SKAP1: variants seen among roughly 807,000 people sequenced by gnomAD.
The protein encoded by SKAP1 is src kinase-associated phosphoprotein 1.
In SKAP1, 44 loss-of-function variants were observed where a neutral mutation model predicts 58.5. That is an observed-to-expected ratio of 0.75 (90% CI 0.59 to 0.97). The LOEUF is 0.97. Ranked by LOEUF, SKAP1 falls within the 50% of genes least tolerant of loss-of-function variation. SKAP1 has a pLI of 0.00. For synonymous variants in SKAP1, 127 were observed against 149.7 expected (o/e 0.85, Z 1.11); for missense variants, 390 against 435.2 (o/e 0.90, Z 0.92).
At chr17:48,220,506 G>C (rs1368829739) in intron 4 of SKAP1, among the ~76,000 whole-genome samples, 2 of 152,142 alleles carry the variant, frequency 1.3e-5, no homozygotes, top group Non-Finnish European at 2.9e-5. Flanking sequence ...AAATTAATCT[G>C]GTGATAGAAG....
At chr17:48,170,992 C>G (rs546484994) in intron 9 of SKAP1, among the ~76,000 whole-genome samples, 1 of 151,638 alleles carries the variant, frequency 6.6e-6, no homozygotes, top group Non-Finnish European at 1.5e-5. Context: ...CAGGTGTGAG[C>G]TACTGCGTCC....
At chr17:48,392,901 C>G (rs2077583122) in intron 2 of SKAP1, among the ~76,000 whole-genome samples, 2 of 151,626 alleles carry the variant, frequency 1.3e-5, no homozygotes, top group African/African-American at 2.4e-5. Flanking sequence ...TACCCCTCCC[C>G]CACTCTCAAC....
intron 4 of SKAP1, among the ~76,000 whole-genome samples, chr17:48,295,945 T>A (rs530138450): frequency 2.6e-5 from 4 of 152,092 alleles, no homozygotes; most frequent in Non-Finnish European, 4.4e-5. Flanking sequence ...TATATGCATA[T>A]ACACATACGA....
At chr17:48,382,572 T>G (rs1379673480) in intron 2 of SKAP1, 2 of 152,238 alleles carry the variant, frequency 1.3e-5, no homozygotes, top group African/African-American at 4.8e-5. Context: ...AAATGATCCC[T>G]GAAAGTATAG....
At chr17:48,436,901 G>T in the SKAP1 span, among the ~76,000 whole-genome samples, 2 of 152,120 alleles carry the variant, frequency 1.3e-5, no homozygotes, top group Non-Finnish European at 1.5e-5. Flanking sequence ...ACCTGCTCTT[G>T]CTGTAAGCAC....
rs538790336 is a variant in SKAP1, at chr17:48,269,980, C to T, written c.280+75925G>A. Among the ~76,000 whole-genome samples the T allele has an allele frequency of 1.4e-4, 21 of 152,028 alleles. No homozygotes were observed. The East Asian group carries it at 2.1e-3, about 16-fold the overall frequency. ...ATACAAGATTAGCCAGGCATGGTGGCGCATGCCTGTAATCCCAGCTACTCA... is the reference window on the plus strand; with the variant it reads ...ATACAAGATTAGCCAGGCATGGTGGTGCATGCCTGTAATCCCAGCTACTCA... On this transcript the variant is annotated intron_variant, in intron 4 of 12. Coordinates refer to ENST00000336915, the MANE Select transcript of SKAP1 (RefSeq NM_003726.4).
rs148431518 is a variant in SKAP1 at position 48,328,657 on chromosome 17, T to C, written c.280+17248A>G. On this transcript the variant is annotated intron_variant, in intron 4 of 12. Transcript: ENST00000336915. ...TTTCAATCTGTGCAAATCCATTAAC[T>C]ATGGATGCTAATGCTCTTCTTCAAA... is the stretch of plus-strand genomic sequence containing the variant. Among the ~76,000 whole-genome samples, 23 of 152,326 alleles carry C rather than the reference T, an allele frequency of 1.5e-4. No individual in the cohort carries two copies. In the East Asian group the frequency reaches 4.4e-3, roughly 29 times the overall value.
At chr17:48,345,879 C>T in intron 4 of SKAP1, 26 bp downstream of exon 4, 3 of 1,536,360 alleles carry the variant, frequency 2.0e-6, no homozygotes, top group Non-Finnish European at 2.7e-6. Context: ...TGGTAGTCAC[C>T]CAAAATCCAG....
At chr17:48,253,771 G>T (rs960043015) in intron 4 of SKAP1, among the ~76,000 whole-genome samples, 3 of 152,136 alleles carry the variant, frequency 2.0e-5, no homozygotes, top group Non-Finnish European at 4.4e-5. Flanking sequence ...CCACCAAGGG[G>T]AGGAAAGGAC....
At chr17:48,200,098 G>A (rs952522781) in intron 4 of SKAP1, among the ~76,000 whole-genome samples, 1 of 151,800 alleles carries the variant, frequency 6.6e-6, no homozygotes, top group African/African-American at 2.4e-5. Context: ...GACCAGCCTG[G>A]CCAATATGGT....
intron 3 of SKAP1, among the ~76,000 whole-genome samples, chr17:48,358,328 T>C (rs1163027568): frequency 3.3e-5 from 5 of 152,202 alleles, no homozygotes; most frequent in Non-Finnish European, 7.3e-5. Context: ...AAAACACTTC[T>C]CTTCAACTTC....
At chr17:48,337,990 T>C (rs2066596522) in intron 4 of SKAP1, among the ~76,000 whole-genome samples, 1 of 152,150 alleles carries the variant, frequency 6.6e-6, no homozygotes, top group Admixed American at 6.5e-5. Context: ...TCTTCCTTCC[T>C]TCCTTCCTAC....
intron 4 of SKAP1, among the ~76,000 whole-genome samples, chr17:48,291,759 A>G (rs1166142674): frequency 1.3e-5 from 2 of 151,988 alleles, no homozygotes; most frequent in Non-Finnish European, 2.9e-5. Context: ...AATGCGCTAA[A>G]ACAAGTCTGC....
At chr17:48,280,134 G>A (rs1445508669) in intron 4 of SKAP1, among the ~76,000 whole-genome samples, 1 of 152,108 alleles carries the variant, frequency 6.6e-6, no homozygotes, top group Non-Finnish European at 1.5e-5. Flanking sequence ...TATTTTGTAT[G>A]TTTGGTTTTA....
At position 48,345,886 on chromosome 17, in the gene SKAP1, C is replaced by A; in HGVS notation, c.280+19G>T. The A allele has an allele frequency of 6.4e-7, 1 of 1,572,872 alleles. No homozygotes were observed. Among genetic ancestry groups the A allele is most frequent in the Non-Finnish European group, 8.7e-7 (1 of 1,143,642 alleles). ...ATGAAGTATGGTAGTCACCCAAAAT[C>A]CAGAAGGATAACACTCACCCTCATC... On this transcript the variant is annotated intron_variant, in intron 4 of 12. Coordinates refer to ENST00000336915, the MANE Select transcript of SKAP1 (RefSeq NM_003726.4).
At chr17:48,442,597 T>C in the SKAP1 span, among the ~76,000 whole-genome samples, 5 of 152,108 alleles carry the variant, frequency 3.3e-5, no homozygotes, top group Non-Finnish European at 7.4e-5. Flanking sequence ...CCTTCCAACT[T>C]CTCTAGGTAA....
At chr17:48,264,467 T>C (rs966137179) in intron 4 of SKAP1, among the ~76,000 whole-genome samples, 1 of 152,192 alleles carries the variant, frequency 6.6e-6, no homozygotes, top group African/African-American at 2.4e-5. Context: ...TGTGTTTTGA[T>C]GTGTGAATGA....
chr17:48,258,076 C>T (rs1464034497), intron 4 of SKAP1, among the ~76,000 whole-genome samples: 2 of 151,898 alleles, frequency 1.3e-5, no homozygotes, highest in Non-Finnish European at 2.9e-5. Flanking sequence ...CTTTATCATC[C>T]TACAACAAAA....
intron 1 of SKAP1, among the ~76,000 whole-genome samples, chr17:48,418,782 A>G (rs2067761465): frequency 6.6e-6 from 1 of 152,228 alleles, no homozygotes; most frequent in African/African-American, 2.4e-5. Context: ...ACAAACCAAT[A>G]CACACAATAA....
Sources: gnomAD v4.1 joint callset for allele counts (sites outside exome capture counted in the v4.1 genomes callset) on GRCh38, gnomAD v4.1.1 for gene constraint, MANE v1.5 for transcripts, NCBI Gene and HGNC (gene_info 2026-07-23, HGNC 2026-07-21) for gene names.